DIAPH3: variants seen among roughly 807,000 people sequenced by gnomAD.
The protein encoded by DIAPH3 is diaphanous related formin 3, also known as protein diaphanous homolog 3.
A neutral mutation model predicts 144.3 loss-of-function variants in DIAPH3; 117 were observed. That is an observed-to-expected ratio of 0.81 (90% CI 0.70 to 0.95). The LOEUF is 0.95. Among genes scored for constraint, DIAPH3 ranks in the 40% least tolerant of loss-of-function variants. DIAPH3 has a pLI of 0.00. For missense variants in DIAPH3, 1,421 were observed against 1,412.7 expected, an observed-to-expected ratio of 1.01 and a Z score of -0.09; for synonymous variants, 519 against 488.9, an observed-to-expected ratio of 1.06 and a Z score of -0.81.
At chr13:60,032,053 A>G (rs951262691) in intron 5 of DIAPH3, among the ~76,000 whole-genome samples, 6 of 152,128 alleles carry the variant, frequency 3.9e-5, no homozygotes, top group Non-Finnish European at 8.8e-5. Context: ...AAGCTCCAAA[A>G]TAATCTTCTT....
At chr13:60,015,764 A>T (rs2053599996) in intron 7 of DIAPH3, 149 bp downstream of exon 7, 1 of 754,294 alleles carries the variant, frequency 1.3e-6, no homozygotes, top group Non-Finnish European at 2.3e-6. Flanking sequence ...CTATTGCAAG[A>T]CAGTTGAAAC....
chr13:59,851,568 G>A (rs2042970742), intron 22 of DIAPH3, among the ~76,000 whole-genome samples: 1 of 151,430 alleles, frequency 6.6e-6, no homozygotes, highest in Non-Finnish European at 1.5e-5. Flanking sequence ...TGTTTTTACA[G>A]CTCTTTGGTG....
chr13:59,970,973 G>T lies in DIAPH3; in HGVS notation c.1838C>A (p.Pro613Gln), dbSNP rs1566590843. ...RMPFSGPVPP[P>Q]PPLGFLGGQN... is the part of the protein sequence containing the mutation. ...TCCTCCAAGGAATCCCAGGGGAGGT[G>T]GTGGAGGCACAGGACCACTGAATGG... Residue 613 changes from proline (P) to glutamine (Q), a missense_variant, in exon 16 of 28, where the codon CCA (proline) becomes CAA (glutamine). Pro to Gln is a moderately conservative substitution (Grantham distance 76). Coordinates refer to ENST00000400324, the MANE Select transcript of DIAPH3 (RefSeq NM_001042517.2). The T allele has an allele frequency of 1.2e-6, 2 of 1,613,830 alleles. No individual in the cohort carries two copies. The highest frequency in any genetic ancestry group is 3.3e-5 in the Admixed American group (2 of 60,000).
intron 25 of DIAPH3, among the ~76,000 whole-genome samples, chr13:59,807,432 T>C (rs540299892): frequency 2.0e-5 from 3 of 152,186 alleles, no homozygotes; most frequent in South Asian, 4.1e-4. Flanking sequence ...TGTTTCAGCA[T>C]GTTGTATCAA....
At chr13:59,676,900 A>G (rs1196135222) in intron 27 of DIAPH3, among the ~76,000 whole-genome samples, 1 of 152,160 alleles carries the variant, frequency 6.6e-6, no homozygotes, top group African/African-American at 2.4e-5. Context: ...ATGTATGACT[A>G]TATACATAGA....
chr13:60,050,090 A>T (rs1434092308), intron 4 of DIAPH3, among the ~76,000 whole-genome samples: 1 of 152,158 alleles, frequency 6.6e-6, no homozygotes, highest in Non-Finnish European at 1.5e-5. Context: ...GATACTCAGG[A>T]GACTGAGGTT....
At chr13:59,758,328 T>G (rs1411574530) in intron 27 of DIAPH3, among the ~76,000 whole-genome samples, 1 of 152,046 alleles carries the variant, frequency 6.6e-6, no homozygotes, top group African/African-American at 2.4e-5. Flanking sequence ...AGGAAAAAAA[T>G]GTGTGATATG....
At position 59,937,108 on chromosome 13, in the gene DIAPH3, A is replaced by T. The variant is rs565082171; in HGVS notation, c.2075-12238T>A. On this transcript the variant is annotated intron_variant, in intron 17 of 27. Transcript: ENST00000400324. ...AAACCGGGAGGCAGAGCTTGCAGTG[A>T]GCTGAGATTGCACCACTGCACTCCA... 1.2e-4 allele frequency among the ~76,000 whole-genome samples: 18 copies of T among 151,840 alleles called. No homozygotes were observed. The South Asian group carries it at 3.5e-3, about 30-fold the overall frequency.
chr13:60,099,103 A>G (rs2058189753), intron 3 of DIAPH3, among the ~76,000 whole-genome samples: 1 of 152,190 alleles, frequency 6.6e-6, no homozygotes, highest in Non-Finnish European at 1.5e-5. Context: ...AAGTTCTATT[A>G]AAAAGTTCTA....
intron 5 of DIAPH3, among the ~76,000 whole-genome samples, chr13:60,039,506 G>A (rs1345200191): frequency 4.6e-5 from 7 of 152,064 alleles, no homozygotes; most frequent in Non-Finnish European, 1.0e-4. Context: ...GTTTCACCAT[G>A]TTGGCCAGAC....
rs534317517 is a variant in DIAPH3, at chr13:59,671,198, A to G, written c.3320-4352T>C. On this transcript the variant is annotated intron_variant, in intron 27 of 27. Coordinates refer to ENST00000400324, the MANE Select transcript of DIAPH3 (RefSeq NM_001042517.2). ...GATCCCACAACCTTGTAAGTTGGAG[A>G]AAACTCTATACTCTACCAGGTGCTC... Among the ~76,000 whole-genome samples, 9 of 152,322 alleles carry G rather than the reference A, an allele frequency of 5.9e-5. No individual in the cohort carries two copies. In the South Asian group the frequency reaches 1.7e-3, roughly 28 times the overall value.
chr13:60,122,613 G>A (rs1300812522), intron 2 of DIAPH3, among the ~76,000 whole-genome samples: 1 of 152,052 alleles, frequency 6.6e-6, no homozygotes, highest in African/African-American at 2.4e-5. Context: ...TTCTTGCCAT[G>A]CTAAATTTTT....
chr13:59,723,250 C>A (rs1267605684), intron 27 of DIAPH3, among the ~76,000 whole-genome samples: 1 of 152,138 alleles, frequency 6.6e-6, no homozygotes, highest in African/African-American at 2.4e-5. Context: ...AACCCTAAGA[C>A]AGTAGTACAG....
At chr13:59,898,134 C>CAAAAAAAAAAAAAAAAAAAAAGAA in intron 20 of DIAPH3, among the ~76,000 whole-genome samples, 2 of 72,196 alleles carry the variant, frequency 2.8e-5, no homozygotes, top group Non-Finnish European at 4.8e-5. Flanking sequence ...GACTCTGCCT[C>CAAAAAAAAAAAAAAAAAAAAAGAA]AAAAAAAAAA....
intron 27 of DIAPH3, among the ~76,000 whole-genome samples, chr13:59,768,683 C>G (rs2037974142): frequency 6.6e-6 from 1 of 152,084 alleles, no homozygotes; most frequent in Non-Finnish European, 1.5e-5. Context: ...GATATCTAAC[C>G]AGCTTCACAT....
At chr13:60,040,834 T>G (rs2055608720) in intron 5 of DIAPH3, among the ~76,000 whole-genome samples, 1 of 150,744 alleles carries the variant, frequency 6.6e-6, no homozygotes, top group Admixed American at 6.6e-5. Flanking sequence ...TGCTCAATAA[T>G]TTTTTTTTTC....
intron 22 of DIAPH3, among the ~76,000 whole-genome samples, chr13:59,856,960 C>A (rs1323218238): frequency 6.6e-6 from 1 of 151,410 alleles, no homozygotes; most frequent in Non-Finnish European, 1.5e-5. Context: ...ATTTGAAAGA[C>A]CAAATAATAT....
intron 25 of DIAPH3, among the ~76,000 whole-genome samples, chr13:59,810,485 C>G (rs2040418016): frequency 1.3e-5 from 2 of 152,112 alleles, no homozygotes; most frequent in Admixed American, 6.5e-5. Context: ...ACTTTATTAA[C>G]TGACATACAT....
chr13:60,084,019 T>C (rs867849930), intron 4 of DIAPH3, among the ~76,000 whole-genome samples: 3,305 of 147,880 alleles, frequency 0.022, 32 homozygotes, highest in South Asian at 0.037. Flanking sequence ...GATAGATAGA[T>C]AGATAGATAG....
Sources: gnomAD v4.1 joint callset for allele counts (sites outside exome capture counted in the v4.1 genomes callset) on GRCh38, gnomAD v4.1.1 for gene constraint, MANE v1.5 for transcripts, NCBI Gene and HGNC (gene_info 2026-07-23, HGNC 2026-07-21) for gene names.